Variants in SRGAP3 observed in about 807,000 individuals in gnomAD.
SRGAP3 encodes the protein SLIT-ROBO Rho GTPase activating protein 3, also known as SLIT-ROBO Rho GTPase-activating protein 3.
SRGAP3 carries 39 observed loss-of-function variants against 121.1 expected under a neutral mutation model. The observed-to-expected ratio is 0.32, with a 90% confidence interval of 0.25 to 0.42. The LOEUF (loss-of-function observed/expected upper bound fraction) is 0.42. SRGAP3 is among the 10% of genes least tolerant of loss of function. The pLI is 1.00. For synonymous variants in SRGAP3, 601 were observed against 570.0 expected (o/e 1.05, Z -0.77); for missense variants, 1,213 against 1,470.6 (o/e 0.82, Z 2.86).
chr3:9,034,729 A>T (rs1164193032), intron 11 of SRGAP3: 2 of 151,458 alleles, frequency 1.3e-5, no homozygotes, highest in African/African-American at 4.9e-5. Flanking sequence ...AAAATTACTT[A>T]TTTTTTTTTG....
At chr3:9,114,159 C>T (rs946724652) in intron 2 of SRGAP3, among the ~76,000 whole-genome samples, 1 of 152,164 alleles carries the variant, frequency 6.6e-6, no homozygotes, top group Non-Finnish European at 1.5e-5. Context: ...CTGTCCCTCA[C>T]CAACAAAGTG....
Position 9,317,105 on chromosome 3 carries a change from G to C in SRGAP3, n.442+8905C>G, listed in dbSNP as rs543750472. On this transcript the variant is annotated intron_variant and non_coding_transcript_variant, in intron 3 of 3. Transcript: ENST00000490889. ...AAGCAGTCGAGGAAAAAGAAAAAGG[G>C]GCCAGCCAGCAGCCGCGTTCTTCCG... Among the ~76,000 whole-genome samples the C allele has an allele frequency of 2.3e-3, 353 of 152,270 alleles. 2 individuals are homozygous for C. The highest frequency in any genetic ancestry group is 3.7e-3 in the Non-Finnish European group (254 of 68,030).
chr3:9,171,620 G>GT (rs1283742053), intron 1 of SRGAP3, among the ~76,000 whole-genome samples: 2 of 152,252 alleles, frequency 1.3e-5, no homozygotes, highest in Non-Finnish European at 2.9e-5. Flanking sequence ...CTTATTAAAA[G>GT]TTTTTTTATT....
At position 8,994,404 on chromosome 3, in the gene SRGAP3, C is replaced by G. The variant is rs933081150; in HGVS notation, c.2347G>C (p.Glu783Gln). The G allele has an allele frequency of 1.1e-5, 17 of 1,614,232 alleles. No homozygotes were observed. Among genetic ancestry groups the G allele is most frequent in the African/African-American group, 1.3e-5 (1 of 75,056 alleles). ...CCATCCACGCCGTTGTGCCGGCCCT[C>G]CCACCAGTCCTCCGAGGCGCGGTGG... ...LYHRASEDWW[E>Q]GRHNGVDGLI... The change falls in exon 19 of 22, where the codon GAG (glutamate) becomes CAG (glutamine). Residue 783 changes from glutamate to glutamine, a missense_variant. Coordinates refer to ENST00000383836, the MANE Select transcript of SRGAP3 (RefSeq NM_014850.4).
At chr3:9,339,305 A>G (rs1009213446) in intron 1 of SRGAP3, among the ~76,000 whole-genome samples, 3 of 152,192 alleles carry the variant, frequency 2.0e-5, no homozygotes, top group Admixed American at 6.5e-5. Flanking sequence ...AGTCTTGAGC[A>G]CTCTCACAGT....
chr3:9,028,138 C>T (rs1559948985), intron 12 of SRGAP3: 5 of 1,614,042 alleles, frequency 3.1e-6, no homozygotes, highest in South Asian at 2.2e-5. Context: ...CCTCTGATAA[C>T]AAAAAATAAA....
intron 3 of SRGAP3, among the ~76,000 whole-genome samples, chr3:9,325,394 A>G (rs1955501857): frequency 6.6e-6 from 1 of 151,936 alleles, no homozygotes; most frequent in African/African-American, 2.4e-5. Flanking sequence ...AATTTTTATA[A>G]TCTACATTTG....
At chr3:9,087,542 T>C (rs1947556087) in intron 3 of SRGAP3, among the ~76,000 whole-genome samples, 1 of 152,194 alleles carries the variant, frequency 6.6e-6, no homozygotes, top group African/African-American at 2.4e-5. Context: ...AAGGGGATAC[T>C]TCCAAGGCCT....
intron 1 of SRGAP3, among the ~76,000 whole-genome samples, chr3:9,245,428 G>C (rs1043706684): frequency 2.6e-5 from 4 of 152,200 alleles, no homozygotes; most frequent in Admixed American, 2.6e-4. Context: ...AGTAGAGACA[G>C]AGGAGAGTGG....
intron 5 of SRGAP3, among the ~76,000 whole-genome samples, chr3:9,062,240 T>C (rs1301736048): frequency 2.6e-5 from 4 of 152,162 alleles, no homozygotes; most frequent in Admixed American, 6.5e-5. Flanking sequence ...ATTTTATAGA[T>C]GAGGAAATGA....
intron 1 of SRGAP3, among the ~76,000 whole-genome samples, chr3:9,344,815 T>A (rs1388669449): frequency 6.6e-6 from 1 of 152,094 alleles, no homozygotes; most frequent in Non-Finnish European, 1.5e-5. Context: ...GGCGGGTGGA[T>A]CACGAGGTCA....
chr3:9,058,576 G>T (rs865974617), intron 6 of SRGAP3, 104 bp from the exon 7 acceptor site: 2 of 1,230,176 alleles, frequency 1.6e-6, no homozygotes, highest in South Asian at 1.3e-5. Context: ...TTCCACAGCC[G>T]AATCTTCCAT....
chr3:9,018,172 A>G (rs1028135133), intron 14 of SRGAP3, among the ~76,000 whole-genome samples: 2 of 152,204 alleles, frequency 1.3e-5, no homozygotes, highest in Admixed American at 6.5e-5. Flanking sequence ...TGTTGCTGCA[A>G]ATGACATGAT....
At chr3:9,059,722 G>A (rs537467433) in intron 6 of SRGAP3, 77 of 211,218 alleles carry the variant, frequency 3.6e-4, no homozygotes, top group Middle Eastern at 1.9e-3. Context: ...TGCTTAAGCT[G>A]CCCGATTTCT....
intron 3 of SRGAP3, among the ~76,000 whole-genome samples, chr3:9,296,603 G>A (rs1056146071): frequency 6.6e-6 from 1 of 152,196 alleles, no homozygotes; most frequent in Non-Finnish European, 1.5e-5. Flanking sequence ...AAGAGTACAG[G>A]TTCTGGATTC....
intron 1 of SRGAP3, among the ~76,000 whole-genome samples, chr3:9,241,040 C>G (rs1953617785): frequency 6.6e-6 from 1 of 152,172 alleles, no homozygotes; most frequent in Non-Finnish European, 1.5e-5. Flanking sequence ...ATGCATGTTG[C>G]TTTCGTGCAC....
Position 9,015,590 on chromosome 3 carries a change from T to C in SRGAP3, c.1813+7A>G. On this transcript the variant is annotated splice_region_variant and intron_variant, in intron 15 of 21. Coordinates refer to ENST00000383836, the MANE Select transcript of SRGAP3 (RefSeq NM_014850.4). ...AAAACTGATCATTTCACCTGGGAAA[T>C]ACTTACTAATAGTAGATATCAAATC... The C allele has an allele frequency of 1.2e-6, 2 of 1,614,038 alleles. No homozygotes were observed. The highest frequency in any genetic ancestry group is 1.3e-5 in the African/African-American group (1 of 75,062).
chr3:9,255,924 G>A (rs1039867808), intron 3 of SRGAP3, among the ~76,000 whole-genome samples: 3 of 152,064 alleles, frequency 2.0e-5, no homozygotes, highest in Non-Finnish European at 4.4e-5. Context: ...AAGGCACAGG[G>A]AGGCTGAATG....
At chr3:9,258,317 C>T (rs1954179164) in intron 3 of SRGAP3, among the ~76,000 whole-genome samples, 1 of 152,166 alleles carries the variant, frequency 6.6e-6, no homozygotes, top group Non-Finnish European at 1.5e-5. Context: ...GCTAAGGGAA[C>T]TGCATGAGCC....
Sources: allele counts gnomAD v4.1 joint callset (sites outside exome capture counted in the v4.1 genomes callset), GRCh38; gene constraint gnomAD v4.1.1; transcripts MANE v1.5; gene names NCBI Gene and HGNC (gene_info 2026-07-23, HGNC 2026-07-21).